Variants in KLHL10 observed in about 807,000 individuals in gnomAD.
KLHL10 encodes the protein kelch like family member 10.
KLHL10 carries 11 observed loss-of-function variants against 46.6 expected under a neutral mutation model. That is an observed-to-expected ratio of 0.24 (90% CI 0.15 to 0.39). The LOEUF (loss-of-function observed/expected upper bound fraction) is 0.39, where lower values mean the gene tolerates loss of function less well. Among genes scored for constraint, KLHL10 ranks in the 10% least tolerant of loss-of-function variants. The pLI, the probability that KLHL10 is intolerant of heterozygous loss-of-function variation, is 1.00. For missense variants in KLHL10, 475 were observed against 789.8 expected (o/e 0.60, Z 4.78); for synonymous variants, 254 against 279.1 (o/e 0.91, Z 0.90).
upstream of KLHL10, among the ~76,000 whole-genome samples, chr17:41,836,659 C>T (rs971457464): frequency 6.6e-6 from 1 of 152,064 alleles, no homozygotes; most frequent in Non-Finnish European, 1.5e-5. Context: ...CCTGTCTCTA[C>T]AAAAAATACA....
At chr17:41,843,125 C>CA (rs34537711) in intron 2 of KLHL10, among the ~76,000 whole-genome samples, 8,152 of 123,106 alleles carry the variant, frequency 0.066, 644 homozygotes, top group African/African-American at 0.2. Context: ...GACCCTGTCT[C>CA]AAAAAAAAAA....
intron 2 of KLHL10, among the ~76,000 whole-genome samples, chr17:41,842,783 A>G (rs186809645): frequency 2.0e-5 from 3 of 152,046 alleles, no homozygotes; most frequent in African/African-American, 4.8e-5. Flanking sequence ...GCTAAAATAC[A>G]AAAATTAGCT....
At chr17:41,842,426 C>T (rs1466295639) in intron 2 of KLHL10, 114 bp downstream of exon 2, 33 of 1,314,702 alleles carry the variant, frequency 2.5e-5, no homozygotes, top group Non-Finnish European at 3.4e-5. Flanking sequence ...AAGGCATCTA[C>T]TATTCTCTGG....
At chr17:41,847,589 T>C (rs936864590) in intron 4 of KLHL10, among the ~76,000 whole-genome samples, 179 bp downstream of exon 4, 5 of 151,828 alleles carry the variant, frequency 3.3e-5, no homozygotes, top group Non-Finnish European at 7.4e-5. Flanking sequence ...CACTGCAAGC[T>C]CTGCCTCCCG....
chr17:41,842,384 T>A (rs1555620851), intron 2 of KLHL10, 72 bp downstream of exon 2: 1 of 1,580,236 alleles, frequency 6.3e-7, no homozygotes, highest in Non-Finnish European at 8.7e-7. Context: ...ATATGACAGA[T>A]CCCAAGGCTG....
At chr17:41,843,511 C>CA (rs879983952) in intron 2 of KLHL10, among the ~76,000 whole-genome samples, 1,648 of 95,822 alleles carry the variant, frequency 0.017, 17 homozygotes, top group East Asian at 0.049. Context: ...CTCAAATTAA[C>CA]AAAAAAAAAA....
At chr17:41,838,462 A>C (rs1337292855) in intron 1 of KLHL10, among the ~76,000 whole-genome samples, 2 of 151,638 alleles carry the variant, frequency 1.3e-5, no homozygotes, top group African/African-American at 4.8e-5. Flanking sequence ...GAGTCTCGCT[A>C]TGTTGCCCAG....
At chr17:41,837,781 C>T, upstream of KLHL10, 1 of 1,475,652 alleles carries the variant, frequency 6.8e-7, no homozygotes, top group Non-Finnish European at 8.9e-7. Flanking sequence ...TGTGATCTCA[C>T]TGCAGGGCCA....
At chr17:41,835,867 G>T, upstream of KLHL10, 3 of 1,608,268 alleles carry the variant, frequency 1.9e-6, no homozygotes, top group South Asian at 3.3e-5. Flanking sequence ...ACCTGTAACC[G>T]GTCTCCGCCG....
At position 41,842,318 on chromosome 17, in the gene KLHL10, T is replaced by G. The variant is rs2048234914; in HGVS notation, c.684+6T>G. 2 of 1,613,508 alleles carry G rather than the reference T, an allele frequency of 1.2e-6. No individual in the cohort carries two copies. Among genetic ancestry groups the G allele is most frequent in the Non-Finnish European group, 8.5e-7 (1 of 1,180,026 alleles). ...TTTCAATTTTGCTTCCTAAGGTCAG[T>G]GTTCACTCTTGATTCATTTATCACA... On this transcript the variant is annotated splice_donor_region_variant and intron_variant, in intron 2 of 4. Coordinates refer to ENST00000293303, the MANE Select transcript of KLHL10 (RefSeq NM_152467.5).
chr17:41,843,448 T>G (rs1460341941), intron 2 of KLHL10, among the ~76,000 whole-genome samples: 1 of 150,692 alleles, frequency 6.6e-6, no homozygotes, highest in Admixed American at 6.7e-5. Context: ...GAGGCTGCAG[T>G]GAGCCCAGAT....
rs782483027 is a variant in KLHL10, at chr17:41,838,078, A to G, written c.146A>G (p.Glu49Gly). 1 of 1,614,076 alleles carries G rather than the reference A, an allele frequency of 6.2e-7. No individual in the cohort carries two copies. The highest frequency in any genetic ancestry group is 1.1e-5 in the South Asian group (1 of 91,080). Residue 49 changes from glutamate to glycine, a missense_variant, in exon 1 of 5, where the codon GAG (glutamate) becomes GGG (glycine). Coordinates refer to ENST00000293303, the MANE Select transcript of KLHL10 (RefSeq NM_152467.5). ...CDVVIKVNGF[E>G]FSAHKNILCS... ...GTGGTCATCAAGGTCAATGGCTTTG[A>G]GTTCAGTGCCCATAAGAACATCCTC...
upstream of KLHL10, chr17:41,837,414 C>T (rs1419344547): frequency 4.3e-5 from 10 of 233,966 alleles, no homozygotes; most frequent in Non-Finnish European, 7.1e-5. Flanking sequence ...CCATCCACCT[C>T]GTGCTGGGAT....
chr17:41,841,251 C>A (rs2034037692), intron 1 of KLHL10, among the ~76,000 whole-genome samples: 1 of 152,096 alleles, frequency 6.6e-6, no homozygotes. Context: ...GAGTAAAATG[C>A]ATATCAAATC....
intron 2 of KLHL10, among the ~76,000 whole-genome samples, chr17:41,843,802 C>T (rs529892020): frequency 6.6e-6 from 1 of 152,212 alleles, no homozygotes; most frequent in Non-Finnish European, 1.5e-5. Flanking sequence ...CTCACTGTTG[C>T]CCAGGCTGGA....
rs1555621712 is a variant in KLHL10 at position 41,848,212 on chromosome 17, G to A, written c.1732G>A (p.Val578Ile). The A allele has an allele frequency of 1.2e-6, 2 of 1,614,006 alleles. No individual in the cohort carries two copies. The highest frequency in any genetic ancestry group is 2.7e-5 in the African/African-American group (2 of 74,916). Residue 578 changes from valine (V) to isoleucine (I), a missense_variant, in exon 5 of 5, where the codon GTT becomes ATT. By Grantham distance (29) the Val-to-Ile change is conservative. Coordinates refer to ENST00000293303, the MANE Select transcript of KLHL10 (RefSeq NM_152467.5). Reference sequence around the variant, plus strand: ...CTGTGTAGTACCAGGGCTGGCCAATGTTGAGGAATATGCAGCTAGACGGGA... The same window carrying A: ...CTGTGTAGTACCAGGGCTGGCCAATATTGAGGAATATGCAGCTAGACGGGA... ...SCCVVPGLAN[V>I]EEYAARRDNF...
intron 1 of KLHL10, among the ~76,000 whole-genome samples, chr17:41,839,432 C>T (rs1278371816): frequency 6.6e-6 from 1 of 152,146 alleles, no homozygotes; most frequent in Non-Finnish European, 1.5e-5. Flanking sequence ...TCAGGGACCC[C>T]CCTGTACCCC....
At position 41,841,910 on chromosome 17, in the gene KLHL10, T is replaced by C; in HGVS notation, c.282T>C (p.Ile94=). The change falls in exon 2 of 5, where the codon ATT becomes ATC. Residue 94 remains isoleucine, a synonymous_variant. Coordinates refer to ENST00000293303, the MANE Select transcript of KLHL10 (RefSeq NM_152467.5). ...CTCCCGACATGATGAAGCTAATCAT[T>C]GAGTATGCATACACCCGGACCGTGC... ...GISPDMMKLI[I]EYAYTRTVPI... is the part of the protein sequence containing the mutation. The C allele has an allele frequency of 3.1e-6, 5 of 1,614,180 alleles. No homozygotes were observed. The highest frequency in any genetic ancestry group is 4.2e-6 in the Non-Finnish European group (5 of 1,180,018).
chr17:41,842,762 A>AC (rs1340422391), intron 2 of KLHL10, among the ~76,000 whole-genome samples: 1 of 151,798 alleles, frequency 6.6e-6, no homozygotes. Flanking sequence ...ACATGGTGAA[A>AC]CCCCATCTCT....
Sources: allele counts gnomAD v4.1 joint callset (sites outside exome capture counted in the v4.1 genomes callset), GRCh38; gene constraint gnomAD v4.1.1; transcripts MANE v1.5; gene names NCBI Gene and HGNC (gene_info 2026-07-23, HGNC 2026-07-21).